The following TFRC variants were observed in gnomAD, a reference collection of about 807,000 sequenced individuals.
TFRC encodes the protein transferrin receptor protein 1.
Under a neutral mutation model 85.8 loss-of-function variants are expected in TFRC, and 35 were observed. The observed-to-expected ratio is 0.41, with a 90% CI of 0.31 to 0.54. The LOEUF is 0.54. TFRC is among the 20% of genes least tolerant of loss of function. TFRC has a pLI of 0.31. For synonymous variants in TFRC, 362 were observed against 328.6 expected, an observed-to-expected ratio of 1.10 and a Z score of -1.10; for missense variants, 828 against 921.5, an observed-to-expected ratio of 0.90 and a Z score of 1.31.
At chr3:196,071,859 G>C in intron 5 of TFRC, 144 bp downstream of exon 5, 1 of 849,122 alleles carries the variant, frequency 1.2e-6, no homozygotes, top group South Asian at 1.9e-5. Context: ...AGCAGAGATT[G>C]TGCCACTGCA....
intron 1 of TFRC, among the ~76,000 whole-genome samples, chr3:196,080,930 C>T (rs1012122492): frequency 8.5e-5 from 13 of 152,072 alleles, no homozygotes; most frequent in Admixed American, 5.2e-4. Context: ...CATGGGGTAG[C>T]CAAATACAAT....
At chr3:196,073,477 C>G (rs1718400855) in intron 4 of TFRC, among the ~76,000 whole-genome samples, 1 of 151,868 alleles carries the variant, frequency 6.6e-6, no homozygotes, top group Non-Finnish European at 1.5e-5. Flanking sequence ...GTGAGTATCA[C>G]AGAAATTAAG....
intron 1 of TFRC, among the ~76,000 whole-genome samples, chr3:196,079,331 G>A (rs978703254): frequency 1.1e-4 from 17 of 152,160 alleles, no homozygotes; most frequent in South Asian, 1.0e-3. Context: ...AGCGATGGCC[G>A]GGCATGGTGG....
At chr3:196,075,046 CAA>C (rs56119775) in intron 3 of TFRC, 111 bp downstream of exon 3, 9,392 of 521,234 alleles carry the variant, frequency 0.018, no homozygotes, top group East Asian at 0.07. Context: ...CCTCTGTCTC[CAA>C]AAAAAAAAAA....
At chr3:196,067,101 G>A (rs1448496133) in intron 9 of TFRC, among the ~76,000 whole-genome samples, 1 of 152,174 alleles carries the variant, frequency 6.6e-6, no homozygotes, top group African/African-American at 2.4e-5. Flanking sequence ...CAAGGTAACT[G>A]GAATCATACC....
intron 2 of TFRC, among the ~76,000 whole-genome samples, chr3:196,075,868 G>A (rs1175440266): frequency 2.2e-5 from 3 of 133,824 alleles, no homozygotes; most frequent in South Asian, 2.5e-4. Flanking sequence ...GCTCATGCCT[G>A]TAATCCCAGC....
In TFRC at chr3:196,051,122, A is replaced by G. The variant is rs1577210214; in HGVS notation, c.*820T>C. ...TCCCCTAAGATTAACACTTTGGCCA[A>G]AATTTGGCAGCATATTATTCTTTAA... On this transcript the variant is annotated 3_prime_UTR_variant, in exon 19 of 19. Coordinates refer to ENST00000360110, the MANE Select transcript of TFRC (RefSeq NM_001128148.3). 1.4e-5 allele frequency: 3 copies of G among 215,852 alleles called. No individual in the cohort carries two copies. The East Asian group carries it at 2.1e-4, about 15-fold the overall frequency. 13.4% of individuals were successfully genotyped at this position (215,852 alleles called of 1,614,324 possible). A position where few individuals can be genotyped will look rare whatever the true frequency, so the allele number is the denominator to read the frequency against.
intron 18 of TFRC, among the ~76,000 whole-genome samples, chr3:196,052,828 G>A (rs989372697): frequency 6.6e-6 from 1 of 152,114 alleles, no homozygotes; most frequent in African/African-American, 2.4e-5. Context: ...AAATTCTAAA[G>A]GAGGCTAGGC....
At chr3:196,063,104 T>C in intron 11 of TFRC, 165 bp from the exon 12 acceptor site, 1 of 571,232 alleles carries the variant, frequency 1.8e-6, no homozygotes, top group African/African-American at 1.9e-5. Context: ...AAAATCTTTT[T>C]TTGAGACCCC....
At chr3:196,065,131 G>A (rs146822450) in intron 10 of TFRC, among the ~76,000 whole-genome samples, 186 of 151,882 alleles carry the variant, frequency 1.2e-3, no homozygotes, top group South Asian at 7.7e-3. Context: ...GCGTGGTGGC[G>A]CATGCCTGTA....
Position 196,051,957 on chromosome 3 carries a change from A to C in TFRC, c.2268T>G (p.Ile756Met), listed in dbSNP as rs780984255. The C allele has an allele frequency of 6.6e-5, 106 of 1,614,012 alleles. No homozygotes were observed. Among genetic ancestry groups the C allele is most frequent in the Non-Finnish European group, 9.0e-5 (106 of 1,180,026 alleles). Residue 756 changes from isoleucine to methionine, a missense_variant, in exon 19 of 19, where the codon ATT (isoleucine) becomes ATG (methionine). Ile to Met is a conservative substitution (Grantham distance 10). Coordinates refer to ENST00000360110, the MANE Select transcript of TFRC (RefSeq NM_001128148.3). Reference protein sequence around the residue: ...ANALSGDVWDIDNEF With the variant: ...ANALSGDVWDMDNEF ...GGTATCACATTTAAAACTCATTGTC[A>C]ATGTCCCAAACGTCACCAGAGAGGG... is the stretch of plus-strand genomic sequence containing the variant.
At position 196,072,082 on chromosome 3, in the gene TFRC, C is replaced by T. The variant is rs1034678414; in HGVS notation, c.505G>A (p.Val169Ile). ...SQKDENLALY[V>I]ENQFREFKLS... ...TTAAATTCACGAAATTGATTTTCAA[C>T]ATACAACGCAAGATTTTCATCTTTT... Residue 169 changes from valine (V) to isoleucine (I), a missense_variant, in exon 5 of 19, where the codon GTT becomes ATT. Physicochemically the swap from Val to Ile is conservative, Grantham distance 29. Coordinates refer to ENST00000360110, the MANE Select transcript of TFRC (RefSeq NM_001128148.3). 4.3e-6 allele frequency: 7 copies of T among 1,614,010 alleles called. No individual in the cohort carries two copies. The Admixed American group carries it at 6.7e-5, about 15-fold the overall frequency.
At chr3:196,057,968 C>A in intron 16 of TFRC, 1 of 188,168 alleles carries the variant, frequency 5.3e-6, no homozygotes, top group Non-Finnish European at 1.1e-5. Flanking sequence ...TTTACAAAAA[C>A]TACAACCTTA....
chr3:196,069,401 G>C, intron 7 of TFRC, 54 bp downstream of exon 7: 1 of 1,022,578 alleles, frequency 9.8e-7, no homozygotes, highest in South Asian at 1.5e-5. Flanking sequence ...TCACTTACCT[G>C]AAGAGTAAGA....
chr3:196,075,066 AT>A (rs372981125), intron 3 of TFRC, 92 bp downstream of exon 3: 8,131 of 546,216 alleles, frequency 0.015, 59 homozygotes, highest in South Asian at 0.044. Flanking sequence ...AAAAAAAAAA[AT>A]AAGGTACAAA....
rs557616295 is a variant in TFRC at position 196,050,451 on chromosome 3, T to C, written c.*1491A>G. On this transcript the variant is annotated 3_prime_UTR_variant, in exon 19 of 19. Coordinates refer to ENST00000360110, the MANE Select transcript of TFRC (RefSeq NM_001128148.3). ...CGATCTTCAAGCTTTGAAGATGTCA[T>C]TGCATGAAGAAAATTATGGGAAACA... The C allele has an allele frequency of 1.3e-4, 27 of 207,558 alleles. No individual in the cohort carries two copies. Among genetic ancestry groups the C allele is most frequent in the Non-Finnish European group, 2.4e-4 (24 of 101,430 alleles). 12.9% of individuals were successfully genotyped at this position (207,558 alleles called of 1,614,324 possible).
In TFRC at chr3:196,052,066, T is replaced by G; in HGVS notation, c.2159A>C (p.Lys720Thr). The G allele has an allele frequency of 6.2e-7, 1 of 1,614,162 alleles. No homozygotes were observed. The highest frequency in any genetic ancestry group is 8.5e-7 in the Non-Finnish European group (1 of 1,180,014). ...TTCATTAAAAGCACCGTTATTTTGTTTACGCAGTTTCAAGTTCTCCAGTAA... is the reference window on the plus strand; with the variant it reads ...TTCATTAAAAGCACCGTTATTTTGTGTACGCAGTTTCAAGTTCTCCAGTAA... The part of the protein sequence containing the change: ...PALLENLKLR[K>T]QNNGAFNETL... Residue 720 changes from lysine (K) to threonine (T), a missense_variant, in exon 19 of 19, where the codon AAA becomes ACA. Physicochemically the swap from Lys to Thr is moderately conservative, Grantham distance 78. Transcript: ENST00000360110.
At chr3:196,066,049 G>A (rs1485322788) in intron 9 of TFRC, among the ~76,000 whole-genome samples, 1 of 151,880 alleles carries the variant, frequency 6.6e-6, no homozygotes, top group Non-Finnish European at 1.5e-5. Flanking sequence ...CTCTCTAGTG[G>A]TGAACCATTT....
chr3:196,058,710 A>G (rs1717028488), intron 14 of TFRC, 78 bp from the exon 15 acceptor site: 2 of 948,750 alleles, frequency 2.1e-6, no homozygotes, highest in Non-Finnish European at 3.1e-6. Context: ...ATGTTACTCT[A>G]TAACAATTTT....
Sources: gnomAD v4.1 joint callset for allele counts (sites outside exome capture counted in the v4.1 genomes callset) on GRCh38, gnomAD v4.1.1 for gene constraint, MANE v1.5 for transcripts, NCBI Gene and HGNC (gene_info 2026-07-23, HGNC 2026-07-21) for gene names.